LRGUK: variants seen among roughly 807,000 people sequenced by gnomAD.
LRGUK encodes leucine rich repeats and guanylate kinase domain containing.
A neutral mutation model predicts 76.0 loss-of-function variants in LRGUK; 65 were observed. That is an observed-to-expected ratio of 0.85 (90% CI 0.70 to 1.05). The LOEUF is 1.05. Among genes scored for constraint, LRGUK ranks in the 50% least tolerant of loss-of-function variants. LRGUK has a pLI of 0.00. For synonymous variants in LRGUK, 268 were observed against 265.6 expected, an observed-to-expected ratio of 1.01 and a Z score of -0.09; for missense variants, 758 against 732.8, an observed-to-expected ratio of 1.03 and a Z score of -0.40.
intron 10 of LRGUK, among the ~76,000 whole-genome samples, chr7:134,183,068 A>T (rs1799825085): frequency 6.6e-6 from 1 of 152,206 alleles, no homozygotes; most frequent in South Asian, 2.1e-4. Context: ...GGGAGATTTT[A>T]TTAATCAATT....
exon 1 of LRGUK, chr7:134,127,387 CTCTCCTGAG>C (rs764304344): frequency 8.1e-6 from 13 of 1,609,586 alleles, no homozygotes; most frequent in African/African-American, 4.0e-5. Flanking sequence ...TCCGAGAGGG[CTCTCCTGAG>C]GACCAGAGCT....
chr7:134,221,084 T>A (rs1801582280), intron 15 of LRGUK, among the ~76,000 whole-genome samples: 1 of 152,218 alleles, frequency 6.6e-6, no homozygotes, highest in Non-Finnish European at 1.5e-5. Flanking sequence ...ATGTTATATA[T>A]TAGTATTTTT....
At chr7:134,152,322 C>G (rs1158357607) in intron 5 of LRGUK, among the ~76,000 whole-genome samples, 1 of 151,984 alleles carries the variant, frequency 6.6e-6, no homozygotes, top group South Asian at 2.1e-4. Context: ...ATGAATAAGA[C>G]TTGTGGGGAT....
chr7:134,198,872 A>G (rs909722610), intron 13 of LRGUK, among the ~76,000 whole-genome samples: 3 of 152,232 alleles, frequency 2.0e-5, no homozygotes, highest in Non-Finnish European at 4.4e-5. Flanking sequence ...CTTTTGAAAT[A>G]TAGAATTGAA....
At chr7:134,189,565 C>T (rs561554838) in intron 11 of LRGUK, among the ~76,000 whole-genome samples, 19 of 152,302 alleles carry the variant, frequency 1.2e-4, no homozygotes, top group Admixed American at 2.0e-4. Context: ...TGCCTAGAAG[C>T]TTCAAATTGC....
intron 1 of LRGUK, among the ~76,000 whole-genome samples, chr7:134,132,391 C>T (rs970874443): frequency 7.2e-5 from 11 of 152,052 alleles, no homozygotes; most frequent in Admixed American, 3.3e-4. Context: ...GAATGGGTTA[C>T]GCTACAAATA....
At chr7:134,211,050 C>A (rs1227397738), downstream of LRGUK, among the ~76,000 whole-genome samples, 1 of 152,232 alleles carries the variant, frequency 6.6e-6, no homozygotes, top group Admixed American at 6.5e-5. Flanking sequence ...TGGCTGGGTC[C>A]TGTGAGTCTC....
intron 8 of LRGUK, among the ~76,000 whole-genome samples, chr7:134,175,909 C>A (rs565348239): frequency 3.0e-4 from 45 of 152,010 alleles, no homozygotes; most frequent in Middle Eastern, 3.4e-3. Context: ...CATAATAATA[C>A]AAATTAATAC....
chr7:134,217,223 G>A (rs1801459215), intron 15 of LRGUK, among the ~76,000 whole-genome samples: 1 of 148,194 alleles, frequency 6.7e-6, no homozygotes, highest in African/African-American at 2.5e-5. Context: ...CTTGATGCAA[G>A]GCCCAAATAT....
At chr7:134,154,555 G>C (rs570758155) in intron 5 of LRGUK, among the ~76,000 whole-genome samples, 7 of 152,356 alleles carry the variant, frequency 4.6e-5, no homozygotes, top group African/African-American at 1.7e-4. Flanking sequence ...TCAGGAGCCT[G>C]ATTAATTTAG....
chr7:134,203,785 G>A (rs983693151), intron 15 of LRGUK, among the ~76,000 whole-genome samples: 2 of 152,098 alleles, frequency 1.3e-5, no homozygotes, highest in East Asian at 1.9e-4. Flanking sequence ...ACTGGGCGTC[G>A]GTTCTTTAGA....
exon 16 of LRGUK, chr7:134,208,811 C>A: frequency 2.5e-6 from 1 of 399,038 alleles, no homozygotes; most frequent in African/African-American, 2.1e-5. Flanking sequence ...GACAGAGCAT[C>A]TCTCTGGAAT....
At chr7:134,196,715 A>G (rs907838273) in intron 12 of LRGUK, among the ~76,000 whole-genome samples, 2 of 151,974 alleles carry the variant, frequency 1.3e-5, no homozygotes, top group Admixed American at 6.6e-5. Context: ...AAAATAGTCT[A>G]TTTTACCATA....
chr7:134,188,894 CG>C (rs1403125769), intron 11 of LRGUK, among the ~76,000 whole-genome samples: 1 of 152,118 alleles, frequency 6.6e-6, no homozygotes, highest in Non-Finnish European at 1.5e-5. Flanking sequence ...AATCTGCATG[CG>C]TCTGAATGAC....
chr7:134,195,453 G>A (rs930499750), intron 12 of LRGUK, among the ~76,000 whole-genome samples: 1 of 152,210 alleles, frequency 6.6e-6, no homozygotes, highest in Non-Finnish European at 1.5e-5. Flanking sequence ...GCAAGATGGA[G>A]TCAGTTAGGT....
chr7:134,210,222 A>T (rs1246686978), exon 16 of LRGUK: 1 of 398,764 alleles, frequency 2.5e-6, no homozygotes, highest in Non-Finnish European at 4.4e-6. Flanking sequence ...GACGATCCCA[A>T]CCCCAGCCCT....
intron 14 of LRGUK, 64 bp from the exon 15 acceptor site, chr7:134,201,417 T>C: frequency 2.5e-6 from 3 of 1,207,640 alleles, no homozygotes; most frequent in Non-Finnish European, 1.2e-6. Flanking sequence ...TTACCACCGA[T>C]AGTTGAACAT....
intron 16 of LRGUK, among the ~76,000 whole-genome samples, chr7:134,223,084 G>T (rs1347480513): frequency 1.3e-5 from 2 of 152,136 alleles, no homozygotes; most frequent in Admixed American, 6.5e-5. Context: ...GGTGTTCTAG[G>T]TGCAAGAAAC....
chr7:134,259,440 C>A (rs1802666208), intron 19 of LRGUK, among the ~76,000 whole-genome samples: 1 of 152,082 alleles, frequency 6.6e-6, no homozygotes, highest in African/African-American at 2.4e-5. Context: ...ACAGAGCCAC[C>A]ATTTGTAGTC....
Sources: gnomAD v4.1 joint callset for allele counts (sites outside exome capture counted in the v4.1 genomes callset) on GRCh38, gnomAD v4.1.1 for gene constraint, MANE v1.5 for transcripts, NCBI Gene and HGNC (gene_info 2026-07-23, HGNC 2026-07-21) for gene names.